LRP1B: variants seen among roughly 807,000 people sequenced by gnomAD.
LRP1B encodes the protein low-density lipoprotein receptor-related protein 1B.
Under a neutral mutation model 556.6 loss-of-function variants are expected in LRP1B, and 217 were observed. That is an observed-to-expected ratio of 0.39 (90% CI 0.35 to 0.44). LRP1B has a LOEUF of 0.44. LRP1B is among the 20% of genes least tolerant of loss of function. The pLI is 1.00. For synonymous variants in LRP1B, 2,047 were observed against 1,865.8 expected, an observed-to-expected ratio of 1.10 and a Z score of -2.50; for missense variants, 5,053 against 5,620.8, an observed-to-expected ratio of 0.90 and a Z score of 3.23.
chr2:141,492,917 A>G (rs1260682831), intron 2 of LRP1B, among the ~76,000 whole-genome samples: 1 of 152,170 alleles, frequency 6.6e-6, no homozygotes, highest in African/African-American at 2.4e-5. Flanking sequence ...AAATGACATT[A>G]ACTCTGAAAA....
chr2:142,107,471 G>A (rs1314762997), intron 1 of LRP1B, among the ~76,000 whole-genome samples: 1 of 152,122 alleles, frequency 6.6e-6, no homozygotes, highest in Non-Finnish European at 1.5e-5. Context: ...CCCACCAGAT[G>A]CTGACACCTT....
At chr2:140,653,977 A>T (rs974364831) in intron 41 of LRP1B, among the ~76,000 whole-genome samples, 3 of 140,860 alleles carry the variant, frequency 2.1e-5, no homozygotes, top group African/African-American at 8.1e-5. Context: ...ATGAGCCAAG[A>T]TCCTGCCACT....
At chr2:141,320,569 A>G (rs1687202891) in intron 3 of LRP1B, among the ~76,000 whole-genome samples, 1 of 152,066 alleles carries the variant, frequency 6.6e-6, no homozygotes. Context: ...TAGTGCATGC[A>G]ATGATTGACA....
chr2:140,570,682 T>A (rs1238418101), intron 43 of LRP1B, among the ~76,000 whole-genome samples: 1 of 151,698 alleles, frequency 6.6e-6, no homozygotes, highest in East Asian at 1.9e-4. Flanking sequence ...AATCTCAGCA[T>A]ACCTTGATAT....
intron 6 of LRP1B, among the ~76,000 whole-genome samples, chr2:141,201,321 C>G (rs1346776246): frequency 6.6e-6 from 1 of 152,086 alleles, no homozygotes; most frequent in Non-Finnish European, 1.5e-5. Flanking sequence ...TTAAAACTGC[C>G]ACATCTTTTT....
Position 140,748,141 on chromosome 2 carries a change from CATAT to C in LRP1B, c.5758+21068_5758+21071del, listed in dbSNP as rs1431122026. Among the ~76,000 whole-genome samples the C allele has an allele frequency of 2.0e-4, 16 of 81,906 alleles. No homozygotes were observed. In the South Asian group the frequency reaches 6.2e-3, roughly 32 times the overall value. The allele number at this position is 81,906 out of a possible 152,430, so 53.7% of individuals were successfully genotyped here. On this transcript the variant is annotated intron_variant, in intron 35 of 90. Transcript: ENST00000389484. ...TATATATATATATATATATATAATTCATATATATGTGTGTATATATTCATATATA... is the reference window on the plus strand; with the variant it reads ...TATATATATATATATATATATAATTCATATGTGTGTATATATTCATATATA...
In LRP1B at chr2:141,469,578, G is replaced by A. The variant is rs938719723; in HGVS notation, c.343+10818C>T. 5.3e-5 allele frequency among the ~76,000 whole-genome samples: 8 copies of A among 152,066 alleles called. No homozygotes were observed. The South Asian group carries it at 1.5e-3, about 28-fold the overall frequency. On this transcript the variant is annotated intron_variant, in intron 3 of 90. Transcript: ENST00000389484. ...GCGATTCCATGGAATAGGGTTTACT[G>A]TATAAGTGAAAATAATGGATTATTT...
chr2:141,389,943 C>T (rs986271733), intron 3 of LRP1B, among the ~76,000 whole-genome samples: 3 of 152,046 alleles, frequency 2.0e-5, no homozygotes, highest in Non-Finnish European at 4.4e-5. Flanking sequence ...AGTTTGAGAC[C>T]AGCCTGGCCA....
chr2:142,026,152 C>G (rs1703494301), intron 1 of LRP1B, among the ~76,000 whole-genome samples: 1 of 152,096 alleles, frequency 6.6e-6, no homozygotes, highest in South Asian at 2.1e-4. Context: ...TTTTTGGAAA[C>G]TGTCAAGGCA....
intron 11 of LRP1B, among the ~76,000 whole-genome samples, chr2:141,026,933 A>T (rs757064281): frequency 6.6e-6 from 1 of 152,120 alleles, no homozygotes; most frequent in Non-Finnish European, 1.5e-5. Flanking sequence ...ACTCACAAGG[A>T]CCTATGATTA....
intron 41 of LRP1B, among the ~76,000 whole-genome samples, chr2:140,603,602 G>A (rs1181957195): frequency 6.6e-6 from 1 of 152,024 alleles, no homozygotes; most frequent in Non-Finnish European, 1.5e-5. Context: ...TGCCAATTCA[G>A]GAAGAAAACA....
intron 2 of LRP1B, among the ~76,000 whole-genome samples, chr2:141,500,677 G>T (rs974873842): frequency 3.9e-5 from 6 of 152,026 alleles, no homozygotes; most frequent in African/African-American, 1.2e-4. Flanking sequence ...AGAGGGATTC[G>T]GTCAGTGGTT....
chr2:140,477,420 A>G (rs567947291), intron 59 of LRP1B, among the ~76,000 whole-genome samples: 21 of 152,248 alleles, frequency 1.4e-4, no homozygotes, highest in African/African-American at 4.8e-4. Context: ...TAACATTAAA[A>G]ATAACACATC....
chr2:141,919,689 A>G (rs1700130499), intron 1 of LRP1B, among the ~76,000 whole-genome samples: 2 of 152,028 alleles, frequency 1.3e-5, no homozygotes, highest in Non-Finnish European at 1.5e-5. Context: ...GCAGTATATT[A>G]TGGCTACGCA....
chr2:140,649,949 A>G (rs973400429), intron 41 of LRP1B, among the ~76,000 whole-genome samples: 2 of 152,198 alleles, frequency 1.3e-5, no homozygotes, highest in Non-Finnish European at 2.9e-5. Flanking sequence ...ATGTCATTCA[A>G]TTTACTCTAT....
chr2:140,396,618 ATC>A (rs1236069893), intron 66 of LRP1B, among the ~76,000 whole-genome samples: 2 of 152,212 alleles, frequency 1.3e-5, no homozygotes, highest in Non-Finnish European at 2.9e-5. Flanking sequence ...TGAAGTTAAT[ATC>A]TGGTAAAACA....
rs1482022036 is a variant in LRP1B at position 141,302,460 on chromosome 2, C to T, written c.344-47819G>A. The stretch of plus-strand genomic sequence containing the variant: ...CTGCTCACTTCAGTTACAGAAGATG[C>T]ACCATTCTTAACTATATTGAAAATA... On this transcript the variant is annotated intron_variant, in intron 3 of 90. Coordinates refer to ENST00000389484, the MANE Select transcript of LRP1B (RefSeq NM_018557.3). 2.6e-5 allele frequency among the ~76,000 whole-genome samples: 4 copies of T among 152,048 alleles called. No homozygotes were observed. The South Asian group carries it at 8.3e-4, about 31-fold the overall frequency.
intron 3 of LRP1B, among the ~76,000 whole-genome samples, chr2:141,303,303 T>C (rs1292439360): frequency 2.0e-5 from 3 of 152,126 alleles, no homozygotes; most frequent in Admixed American, 6.5e-5. Context: ...TCCTCTCTTC[T>C]AGTTATTTTG....
At chr2:140,946,273 C>T (rs192593314) in intron 20 of LRP1B, among the ~76,000 whole-genome samples, 8 of 152,068 alleles carry the variant, frequency 5.3e-5, no homozygotes, top group African/African-American at 1.9e-4. Flanking sequence ...TTAGTTCAGC[C>T]CCTGTGGAAA....
Sources: allele counts gnomAD v4.1 joint callset (sites outside exome capture counted in the v4.1 genomes callset), GRCh38; gene constraint gnomAD v4.1.1; transcripts MANE v1.5; gene names NCBI Gene and HGNC (gene_info 2026-07-23, HGNC 2026-07-21).